The following FBLN1 variants were observed in gnomAD, a reference collection of about 807,000 sequenced individuals.
FBLN1 encodes fibulin-1.
Under a neutral mutation model 89.7 loss-of-function variants are expected in FBLN1, and 34 were observed. That is an observed-to-expected ratio of 0.38 (90% CI 0.29 to 0.50). The LOEUF (loss-of-function observed/expected upper bound fraction) is 0.50. Among genes scored for constraint, FBLN1 ranks in the 20% least tolerant of loss-of-function variants. FBLN1 has a pLI of 0.92. For synonymous variants in FBLN1, 393 were observed against 391.3 expected (o/e 1.00, Z -0.05); for missense variants, 777 against 988.1 (o/e 0.79, Z 2.86).
At chr22:45,543,614 C>T in intron 11 of FBLN1, 88 bp downstream of exon 11, 1 of 1,492,764 alleles carries the variant, frequency 6.7e-7, no homozygotes, top group Non-Finnish European at 9.1e-7. Context: ...TGCAGCAGAT[C>T]CGCGATGGTT....
rs369314624 is a variant in FBLN1, at chr22:45,515,452, C to A, written c.80-3230C>A. Among the ~76,000 whole-genome samples, 31 of 152,278 alleles carry A rather than the reference C, an allele frequency of 2.0e-4. 1 individual carries two copies. The East Asian group carries it at 5.2e-3, about 26-fold the overall frequency. On this transcript the variant is annotated intron_variant, in intron 1 of 16. Coordinates refer to ENST00000327858, the MANE Select transcript of FBLN1 (RefSeq NM_006486.3). Reference sequence around the variant, plus strand: ...ACCAAAGGACTTCACATTTGATTGTCCTGCTGAGAGTGAGGTTCACAGTAC... The same window carrying A: ...ACCAAAGGACTTCACATTTGATTGTACTGCTGAGAGTGAGGTTCACAGTAC...
chr22:45,512,243 G>A (rs1200457437), intron 1 of FBLN1, among the ~76,000 whole-genome samples: 1 of 152,060 alleles, frequency 6.6e-6, no homozygotes, highest in Non-Finnish European at 1.5e-5. Context: ...GTGTTCCAGG[G>A]CTGCTCAGCT....
At chr22:45,548,884 G>C in intron 13 of FBLN1, 140 bp downstream of exon 13, 1 of 1,368,820 alleles carries the variant, frequency 7.3e-7, no homozygotes, top group Non-Finnish European at 1.0e-6. Context: ...GGAAAAGGAG[G>C]CCCACCCCAT....
chr22:45,530,230 C>T lies in FBLN1; in HGVS notation c.485-1035C>T, dbSNP rs2088386546. Among the ~76,000 whole-genome samples the T allele has an allele frequency of 6.6e-6, 1 of 151,798 alleles. No homozygotes were observed. The highest frequency in any genetic ancestry group is 2.4e-5 in the African/African-American group (1 of 41,318). On this transcript the variant is annotated intron_variant, in intron 4 of 16. Coordinates refer to ENST00000327858, the MANE Select transcript of FBLN1 (RefSeq NM_006486.3). This position sits in a 1 kb window ranked among gnomAD's most constrained non-coding sequence, Gnocchi z 5.4. ...CATTTTCACTTTAAACAAACCCAAA[C>T]CATTCCTGCTGGTGGAGGATTTCTC...
intron 16 of FBLN1, 103 bp from the exon 17 acceptor site, chr22:45,600,204 G>T: frequency 7.1e-7 from 1 of 1,398,604 alleles, no homozygotes; most frequent in Non-Finnish European, 1.0e-6. Flanking sequence ...TGAGGTCTAT[G>T]CCTCCTTCTA....
At chr22:45,566,238 G>A (rs965777218) in intron 14 of FBLN1, among the ~76,000 whole-genome samples, 4 of 152,182 alleles carry the variant, frequency 2.6e-5, no homozygotes, top group African/African-American at 9.6e-5. Flanking sequence ...GGGCTTTGGA[G>A]GCTACCCAGT....
intron 1 of FBLN1, among the ~76,000 whole-genome samples, chr22:45,518,243 C>T (rs542483786): frequency 9.3e-4 from 141 of 152,134 alleles, no homozygotes; most frequent in African/African-American, 3.0e-3. Flanking sequence ...AGAGTCATGT[C>T]GGCTGTTCCC....
chr22:45,545,654 G>A lies in FBLN1; in HGVS notation c.1322-1431G>A, dbSNP rs73442926. On this transcript the variant is annotated intron_variant, in intron 11 of 16. Transcript: ENST00000327858. This position sits in a 1 kb window ranked among gnomAD's most constrained non-coding sequence, Gnocchi z 5.9. ...TCCTGCACTGGGGAGTGTCTCTAGC[G>A]GGGGATGAGAGACCACACTGGACAG... Among the ~76,000 whole-genome samples the A allele has an allele frequency of 0.017, 2,610 of 152,246 alleles. 69 individuals carry two copies. The highest frequency in any genetic ancestry group is 0.059 in the African/African-American group (2,434 of 41,524).
At chr22:45,547,520 CAA>C (rs1444502499) in intron 12 of FBLN1, among the ~76,000 whole-genome samples, 1 of 150,670 alleles carries the variant, frequency 6.6e-6, no homozygotes, top group Admixed American at 6.6e-5. Flanking sequence ...CTCAGCCTCC[CAA>C]GTAGTTGGGA....
At chr22:45,524,746 C>T (rs756400626) in intron 2 of FBLN1, among the ~76,000 whole-genome samples, 1 of 152,124 alleles carries the variant, frequency 6.6e-6, no homozygotes, top group Non-Finnish European at 1.5e-5. Context: ...AACTGGGCCT[C>T]CTGGCTCTGA....
intron 16 of FBLN1, among the ~76,000 whole-genome samples, chr22:45,585,634 G>C (rs1035016562): frequency 6.6e-6 from 1 of 152,218 alleles, no homozygotes; most frequent in Admixed American, 6.5e-5. Context: ...TGGCAGCCAA[G>C]TTCTTTCCCA....
chr22:45,564,423 T>C (rs543123330), intron 14 of FBLN1, among the ~76,000 whole-genome samples: 22 of 152,218 alleles, frequency 1.4e-4, no homozygotes, highest in Non-Finnish European at 2.8e-4. Flanking sequence ...TGCATGCAAT[T>C]TCCAGCCTGG....
In FBLN1 at chr22:45,550,605, T is replaced by A; in HGVS notation, c.1687T>A (p.Ser563Thr). ...AFECPENYRR[S>T]AATLQQEKTD... ...CGAGTGCCCTGAGAACTACCGCCGC[T>A]CCGCAGCCACGTAAGTCCCTTGGAC... Residue 563 changes from serine to threonine, a missense_variant, in exon 14 of 17, where the codon TCC becomes ACC. Coordinates refer to ENST00000327858, the MANE Select transcript of FBLN1 (RefSeq NM_006486.3). The surrounding 1 kb of genome is among the most constrained non-coding windows in gnomAD (Gnocchi z 8.4). 2 of 1,614,084 alleles carry A rather than the reference T, an allele frequency of 1.2e-6. No individual in the cohort carries two copies.
chr22:45,505,223 G>A (rs746065072), intron 1 of FBLN1, among the ~76,000 whole-genome samples: 4 of 152,244 alleles, frequency 2.6e-5, no homozygotes, highest in Non-Finnish European at 4.4e-5. Context: ...GTTAGGAAAA[G>A]ACGATTGTGT....
At chr22:45,503,147 G>C (rs1050205691) in intron 1 of FBLN1, 83 bp downstream of exon 1, 17 of 1,103,654 alleles carry the variant, frequency 1.5e-5, no homozygotes, top group Non-Finnish European at 1.8e-5. Context: ...CGGAACCACG[G>C]GGACTCGGAG....
chr22:45,593,461 C>G (rs2089156912), intron 16 of FBLN1, among the ~76,000 whole-genome samples: 1 of 152,200 alleles, frequency 6.6e-6, no homozygotes, highest in Non-Finnish European at 1.5e-5. Context: ...TTAAGAGGCA[C>G]AGACACGCCA....
In FBLN1 at chr22:45,525,544, A is replaced by G. The variant is rs1462940700; in HGVS notation, c.187A>G (p.Met63Val). 6.5e-7 allele frequency: 1 copy of G among 1,548,968 alleles called. No individual in the cohort carries two copies. Among genetic ancestry groups the G allele is most frequent in the Non-Finnish European group, 8.7e-7 (1 of 1,146,762 alleles). ...GCCCAGCCCACCCCTCACCCACAGG[A>G]TGGTGCAGGAGCAGTGCTGCCACAG... ...PYATESKECR[M>V]VQEQCCHSQL... The change falls in exon 3 of 17, where the codon ATG becomes GTG. Residue 63 changes from methionine to valine, a missense_variant and splice_region_variant. Met to Val is a conservative substitution (Grantham distance 21, BLOSUM62 1). Transcript: ENST00000327858.
rs960187679 is a variant in FBLN1 at position 45,576,308 on chromosome 22, G to A, written c.1841-669G>A. ...AGCCCCGATCTGAGTGTTGGTTATC[G>A]CAGGGAGCCGAGTGCCGTTGGGACA... On this transcript the variant is annotated intron_variant, in intron 15 of 16. Transcript: ENST00000327858. This position sits in a 1 kb window ranked among gnomAD's most constrained non-coding sequence, Gnocchi z 5.2. 2.6e-5 allele frequency among the ~76,000 whole-genome samples: 4 copies of A among 152,138 alleles called. No individual in the cohort carries two copies. The highest frequency in any genetic ancestry group is 1.9e-4 in the East Asian group (1 of 5,196).
At position 45,578,578 on chromosome 22, in the gene FBLN1, G is replaced by A. The variant is rs2089017599; in HGVS notation, c.1972+1470G>A. 1 of 152,196 alleles carries A rather than the reference G, an allele frequency of 6.6e-6. No individual in the cohort carries two copies. The highest frequency in any genetic ancestry group is 1.5e-5 in the Non-Finnish European group (1 of 68,074). The allele number at this position is 152,196 out of a possible 1,614,324, so 9.4% of individuals were successfully genotyped here. A position where few individuals can be genotyped will look rare whatever the true frequency, so the allele number is the denominator to read the frequency against. On this transcript the variant is annotated intron_variant, in intron 16 of 16. Transcript: ENST00000327858. The surrounding 1 kb of genome is among the most constrained non-coding windows in gnomAD (Gnocchi z 4.6). ...GAGTTTAGATGAAGACAGCCTTGAG[G>A]GTCCTTCAGGCCCCTGTGCAGGAGG... is the stretch of plus-strand genomic sequence containing the variant.
Sources: allele counts gnomAD v4.1 joint callset (sites outside exome capture counted in the v4.1 genomes callset), GRCh38; gene constraint gnomAD v4.1.1; non-coding constraint Gnocchi (gnomAD v3.1); transcripts MANE v1.5; gene names NCBI Gene and HGNC (gene_info 2026-07-23, HGNC 2026-07-21).